DLGAP2: variants seen among roughly 807,000 people sequenced by gnomAD.
DLGAP2 encodes disks large-associated protein 2.
DLGAP2 carries 26 observed loss-of-function variants against 100.3 expected under a neutral mutation model. That is an observed-to-expected ratio of 0.26 (90% confidence interval 0.19 to 0.36). DLGAP2 has a LOEUF of 0.36. DLGAP2 is among the 10% of genes least tolerant of loss of function. The pLI is 1.00. For synonymous variants in DLGAP2, 886 were observed against 630.1 expected (o/e 1.41, Z -6.08); for missense variants, 1,858 against 1,453.2 (o/e 1.28, Z -4.53).
chr8:1,176,307 C>G (rs1446368835), intron 2 of DLGAP2, among the ~76,000 whole-genome samples: 1 of 151,390 alleles, frequency 6.6e-6, no homozygotes, highest in Non-Finnish European at 1.5e-5. Context: ...GTGATCCAGA[C>G]ACTTTCCTCA....
At chr8:1,227,010 G>C (rs746245030) in intron 2 of DLGAP2, among the ~76,000 whole-genome samples, 1 of 150,830 alleles carries the variant, frequency 6.6e-6, no homozygotes, top group African/African-American at 2.5e-5. Flanking sequence ...TCTTCTGATT[G>C]TACCCAAAGG....
intron 4 of DLGAP2, among the ~76,000 whole-genome samples, chr8:1,517,538 G>A (rs184973832): frequency 2.6e-4 from 39 of 152,172 alleles, no homozygotes; most frequent in African/African-American, 7.9e-4. Context: ...CAGAAGAGCC[G>A]CTCCTCTTTG....
intron 6 of DLGAP2, among the ~76,000 whole-genome samples, chr8:1,589,623 T>C (rs1451878636): frequency 6.6e-6 from 1 of 152,146 alleles, no homozygotes; most frequent in African/African-American, 2.4e-5. Context: ...GTTTTTGTTA[T>C]TGTTTGTAGA....
At chr8:1,516,109 ATGAG>A (rs1310790658) in intron 4 of DLGAP2, among the ~76,000 whole-genome samples, 1 of 150,418 alleles carries the variant, frequency 6.6e-6, no homozygotes, top group Non-Finnish European at 1.5e-5. Context: ...GACTGAGTGA[ATGAG>A]TGACTGAGTG....
intron 3 of DLGAP2, among the ~76,000 whole-genome samples, chr8:1,282,466 C>A (rs1417516789): frequency 8.5e-6 from 1 of 117,150 alleles, no homozygotes; most frequent in East Asian, 3.2e-4. Context: ...CATGAACCAT[C>A]TGGACATGGT....
At chr8:1,304,930 A>C (rs756447421) in intron 3 of DLGAP2, among the ~76,000 whole-genome samples, 3 of 152,230 alleles carry the variant, frequency 2.0e-5, no homozygotes, top group Non-Finnish European at 2.9e-5. Flanking sequence ...TATCGTGCAT[A>C]AGGTAATCAT....
At chr8:814,850 C>CAAAA (rs34412684) in intron 1 of DLGAP2, among the ~76,000 whole-genome samples, 23 of 61,858 alleles carry the variant, frequency 3.7e-4, no homozygotes, top group Non-Finnish European at 4.3e-4. Context: ...GACTCCGTCT[C>CAAAA]AAAAAAAAAA....
intron 1 of DLGAP2, among the ~76,000 whole-genome samples, chr8:807,946 G>A (rs1796299818): frequency 6.6e-6 from 1 of 152,196 alleles, no homozygotes; most frequent in Admixed American, 6.5e-5. Flanking sequence ...CTTGTGATAA[G>A]ATGTGGTAGC....
intron 1 of DLGAP2, among the ~76,000 whole-genome samples, chr8:787,689 C>A (rs1046739995): frequency 7.2e-5 from 11 of 152,212 alleles, no homozygotes; most frequent in Admixed American, 6.5e-4. Context: ...TGCCAAATGG[C>A]TTTCTCAGCA....
rs146941466 is a variant in DLGAP2, at chr8:911,272, T to C, written c.73+3306T>C. ...TGGATTCTGTTTCTTAGGATGCGTGTGTAATGTATGTTGGAAGGATGCTGG... is the reference window on the plus strand; with the variant it reads ...TGGATTCTGTTTCTTAGGATGCGTGCGTAATGTATGTTGGAAGGATGCTGG... On this transcript the variant is annotated intron_variant, in intron 2 of 14. Transcript: ENST00000637795. Among the ~76,000 whole-genome samples, 137 of 152,326 alleles carry C rather than the reference T, an allele frequency of 9.0e-4. 1 individual carries two copies. The East Asian group carries it at 0.023, about 26-fold the overall frequency.
chr8:1,521,842 G>C (rs111689714), intron 4 of DLGAP2, among the ~76,000 whole-genome samples: 2 of 145,224 alleles, frequency 1.4e-5, no homozygotes, highest in African/African-American at 5.3e-5. Context: ...TGGAATACTC[G>C]GGGGCAGGTG....
chr8:989,106 A>G (rs1376676198), intron 2 of DLGAP2, among the ~76,000 whole-genome samples: 1 of 152,092 alleles, frequency 6.6e-6, no homozygotes, highest in Non-Finnish European at 1.5e-5. Flanking sequence ...CATTGTGACG[A>G]CCGCAGTGCA....
Position 1,445,078 on chromosome 8 carries a change from CTT to C in DLGAP2, c.107-56274_107-56273del, listed in dbSNP as rs11310548. ...AGCCACCGCGCCCAGCCAGATCATT[CTT>C]TTTTTTTTTTTTTAATTATTATTAT... On this transcript the variant is annotated intron_variant, in intron 3 of 14. Coordinates refer to ENST00000637795, the MANE Select transcript of DLGAP2 (RefSeq NM_001346810.2). Among the ~76,000 whole-genome samples the C allele has an allele frequency of 5.5e-3, 774 of 141,236 alleles. 5 individuals are homozygous for C. Among genetic ancestry groups the C allele is most frequent in the African/African-American group, 0.011 (413 of 38,182 alleles). The allele number at this position is 141,236 out of a possible 152,430, so 92.7% of individuals were successfully genotyped here.
At chr8:826,843 G>A (rs1047103941) in intron 1 of DLGAP2, among the ~76,000 whole-genome samples, 9 of 152,164 alleles carry the variant, frequency 5.9e-5, no homozygotes, top group African/African-American at 1.7e-4. Flanking sequence ...TTTGAGGAAG[G>A]AGAGAGAAGC....
intron 2 of DLGAP2, among the ~76,000 whole-genome samples, chr8:1,021,696 A>C (rs984203266): frequency 5.3e-5 from 8 of 152,202 alleles, no homozygotes; most frequent in Non-Finnish European, 7.3e-5. Context: ...TTTACAGGTG[A>C]GTACTTCCCT....
chr8:1,076,545 C>T (rs1205061533), intron 2 of DLGAP2, among the ~76,000 whole-genome samples: 5 of 152,362 alleles, frequency 3.3e-5, no homozygotes, highest in Admixed American at 1.3e-4. Context: ...TGTGATGCTC[C>T]GGCCAGGGCC....
chr8:1,056,383 C>A (rs555660308), intron 2 of DLGAP2, among the ~76,000 whole-genome samples: 2 of 152,304 alleles, frequency 1.3e-5, no homozygotes, highest in Admixed American at 6.5e-5. Context: ...TGGTTTACCT[C>A]AGCCTTCTCC....
At chr8:883,330 G>A (rs570299791) in intron 1 of DLGAP2, 23 of 152,254 alleles carry the variant, frequency 1.5e-4, no homozygotes, top group African/African-American at 5.1e-4. Flanking sequence ...GCGGATAGAA[G>A]GATTCATTGC....
At chr8:1,108,385 C>T (rs986787122) in intron 2 of DLGAP2, among the ~76,000 whole-genome samples, 4 of 152,188 alleles carry the variant, frequency 2.6e-5, no homozygotes, top group African/African-American at 4.8e-5. Flanking sequence ...GCTTGTTTGA[C>T]GTTGCAGGGC....
Sources: gnomAD v4.1 joint callset for allele counts (sites outside exome capture counted in the v4.1 genomes callset) on GRCh38, gnomAD v4.1.1 for gene constraint, MANE v1.5 for transcripts, NCBI Gene and HGNC (gene_info 2026-07-23, HGNC 2026-07-21) for gene names.